NALF1: variants seen among roughly 807,000 people sequenced by gnomAD.
NALF1 encodes NALCN channel auxiliary factor 1, also known as family with sequence similarity 155 member A.
NALF1 carries 3 observed loss-of-function variants against 48.4 expected under a neutral mutation model. The observed-to-expected ratio is 0.06, with a 90% CI of 0.03 to 0.16. NALF1 has a LOEUF of 0.16. NALF1 is among the 10% of genes least tolerant of loss of function. NALF1 has a pLI of 1.00. For missense variants in NALF1, 526 were observed against 571.5 expected (o/e 0.92, Z 0.81); for synonymous variants, 262 against 245.7 (o/e 1.07, Z -0.62).
At chr13:107,693,377 C>T (rs528794050) in intron 1 of NALF1, among the ~76,000 whole-genome samples, 2 of 151,660 alleles carry the variant, frequency 1.3e-5, no homozygotes, top group African/African-American at 2.4e-5. Context: ...ATGTAAATGA[C>T]GAGTTGATGG....
intron 1 of NALF1, among the ~76,000 whole-genome samples, chr13:107,402,194 G>T (rs759932861): frequency 2.1e-4 from 32 of 152,126 alleles, no homozygotes; most frequent in South Asian, 6.2e-4. Context: ...TCTCTCCTTT[G>T]CTGGCTTCGA....
At chr13:107,527,652 C>G (rs1876489332) in intron 1 of NALF1, among the ~76,000 whole-genome samples, 1 of 152,100 alleles carries the variant, frequency 6.6e-6, no homozygotes, top group Admixed American at 6.6e-5. Flanking sequence ...GTCTGAGCCA[C>G]CCGGTGGGAG....
intron 1 of NALF1, among the ~76,000 whole-genome samples, chr13:107,627,568 G>A: frequency 6.6e-6 from 1 of 152,034 alleles, no homozygotes; most frequent in East Asian, 1.9e-4. Flanking sequence ...AGCAACTGGG[G>A]CGTATTCTTT....
chr13:107,566,844 C>A (rs1193720095), intron 1 of NALF1, among the ~76,000 whole-genome samples: 4 of 152,150 alleles, frequency 2.6e-5, no homozygotes, highest in Non-Finnish European at 4.4e-5. Context: ...GGCTGGAGAA[C>A]CCCGAGGCAG....
intron 2 of NALF1, among the ~76,000 whole-genome samples, chr13:107,176,746 G>C (rs1461057188): frequency 6.6e-6 from 1 of 152,042 alleles, no homozygotes; most frequent in Non-Finnish European, 1.5e-5. Flanking sequence ...TGTAAGTAGA[G>C]ATAAATACTA....
At chr13:107,716,161 T>C (rs540445406) in intron 1 of NALF1, among the ~76,000 whole-genome samples, 1 of 152,278 alleles carries the variant, frequency 6.6e-6, no homozygotes, top group South Asian at 2.1e-4. Flanking sequence ...ATTCAGATGT[T>C]CTCAAAGGCG....
intron 1 of NALF1, among the ~76,000 whole-genome samples, chr13:107,704,763 C>T (rs1016241515): frequency 2.0e-5 from 3 of 152,104 alleles, no homozygotes; most frequent in Non-Finnish European, 4.4e-5. Flanking sequence ...ATATATTCAT[C>T]ATGTTTTCAT....
intron 1 of NALF1, among the ~76,000 whole-genome samples, chr13:107,334,841 T>C (rs1211675418): frequency 6.6e-6 from 1 of 152,334 alleles, no homozygotes; most frequent in Non-Finnish European, 1.5e-5. Flanking sequence ...TAAGTTCTTG[T>C]TGAGCCTATC....
chr13:107,862,297 A>G (rs1438978505), intron 1 of NALF1, among the ~76,000 whole-genome samples: 1 of 152,178 alleles, frequency 6.6e-6, no homozygotes, highest in African/African-American at 2.4e-5. Context: ...TGTATAAGAG[A>G]AAATATGTAT....
At chr13:107,542,304 G>T (rs996099968) in intron 1 of NALF1, among the ~76,000 whole-genome samples, 3 of 152,000 alleles carry the variant, frequency 2.0e-5, no homozygotes, top group African/African-American at 7.2e-5. Context: ...AAAAGTAGGT[G>T]AGTGGTTGCT....
At chr13:107,277,819 A>G (rs1238688097) in intron 1 of NALF1, among the ~76,000 whole-genome samples, 2 of 152,230 alleles carry the variant, frequency 1.3e-5, no homozygotes, top group East Asian at 3.9e-4. Flanking sequence ...TCAAATCAAC[A>G]TGACTTTAAA....
intron 1 of NALF1, among the ~76,000 whole-genome samples, chr13:107,615,346 G>A (rs936596363): frequency 6.6e-6 from 1 of 152,044 alleles, no homozygotes; most frequent in Non-Finnish European, 1.5e-5. Context: ...CCATGTTGGC[G>A]GGTCTGCTCC....
intron 1 of NALF1, among the ~76,000 whole-genome samples, chr13:107,603,658 TGAA>T (rs1452672207): frequency 6.6e-6 from 1 of 152,132 alleles, no homozygotes; most frequent in Non-Finnish European, 1.5e-5. Flanking sequence ...AAAACTAAAT[TGAA>T]GAAGATAGTG....
At chr13:107,748,504 G>C (rs1475547838) in intron 1 of NALF1, among the ~76,000 whole-genome samples, 1 of 152,178 alleles carries the variant, frequency 6.6e-6, no homozygotes, top group Non-Finnish European at 1.5e-5. Context: ...CATTAGGTCA[G>C]ATTATTAAAT....
At chr13:107,605,640 T>C (rs1404830563) in intron 1 of NALF1, among the ~76,000 whole-genome samples, 1 of 152,174 alleles carries the variant, frequency 6.6e-6, no homozygotes, top group African/African-American at 2.4e-5. Flanking sequence ...TTCTTGGAAA[T>C]TTCCATCTAT....
chr13:107,171,375 C>T (rs374964593), intron 2 of NALF1, among the ~76,000 whole-genome samples: 1 of 152,138 alleles, frequency 6.6e-6, no homozygotes, highest in East Asian at 1.9e-4. Context: ...CCATTTTCTC[C>T]ATTTGCTTTC....
intron 1 of NALF1, among the ~76,000 whole-genome samples, chr13:107,623,134 G>T (rs1439600621): frequency 6.6e-6 from 1 of 151,982 alleles, no homozygotes; most frequent in African/African-American, 2.4e-5. Flanking sequence ...TCATAATTTT[G>T]CATGGTAAAC....
intron 1 of NALF1, among the ~76,000 whole-genome samples, chr13:107,665,034 ATG>A (rs1880822825): frequency 6.6e-6 from 1 of 152,170 alleles, no homozygotes; most frequent in Non-Finnish European, 1.5e-5. Flanking sequence ...CAAACATATA[ATG>A]GTTACTATAA....
At chr13:107,365,725 T>C (rs992076586) in intron 1 of NALF1, among the ~76,000 whole-genome samples, 10 of 152,174 alleles carry the variant, frequency 6.6e-5, no homozygotes, top group African/African-American at 2.2e-4. Context: ...ATGGACTGTT[T>C]ACATCTAAGT....
Sources: allele counts gnomAD v4.1 joint callset (sites outside exome capture counted in the v4.1 genomes callset), GRCh38; gene constraint gnomAD v4.1.1; transcripts MANE v1.5; gene names NCBI Gene and HGNC (gene_info 2026-07-23, HGNC 2026-07-21).